STAU2: variants seen among roughly 807,000 people sequenced by gnomAD.
The protein encoded by STAU2 is double-stranded RNA-binding protein Staufen homolog 2.
Under a neutral mutation model 65.9 loss-of-function variants are expected in STAU2, and 20 were observed. The ratio of observed to expected loss-of-function variants is 0.30; its 90% CI spans 0.21 to 0.44. The LOEUF is 0.44. STAU2 is among the 20% of genes least tolerant of loss of function. The probability of loss-of-function intolerance (pLI) is 1.00; values close to 1 mark genes in which losing one functional copy is unlikely to be tolerated. For synonymous variants in STAU2, 232 were observed against 233.9 expected (o/e 0.99, Z 0.07); for missense variants, 558 against 683.9 (o/e 0.82, Z 2.05).
At chr8:73,725,523 A>G (rs1389982876) in intron 3 of STAU2, among the ~76,000 whole-genome samples, 1 of 152,328 alleles carries the variant, frequency 6.6e-6, no homozygotes, top group East Asian at 1.9e-4. Flanking sequence ...TGGGCCAGGC[A>G]TGGTGGCTCA....
intron 3 of STAU2, among the ~76,000 whole-genome samples, chr8:73,734,033 A>T (rs1485488661): frequency 6.6e-6 from 1 of 152,134 alleles, no homozygotes; most frequent in East Asian, 1.9e-4. Context: ...AGTACATCCA[A>T]ACTAAGAATT....
intron 12 of STAU2, chr8:73,561,640 C>T (rs925634408): frequency 9.3e-6 from 4 of 428,354 alleles, no homozygotes; most frequent in African/African-American, 2.0e-5. Flanking sequence ...AAATGTCTAC[C>T]GCAGCAGCTT....
At chr8:73,637,016 T>A (rs768697388) in intron 6 of STAU2, among the ~76,000 whole-genome samples, 3 of 152,002 alleles carry the variant, frequency 2.0e-5, no homozygotes, top group Non-Finnish European at 4.4e-5. Context: ...GATATTCAAA[T>A]TTAAAATTCA....
At chr8:73,465,446 G>T (rs1156646977) in intron 13 of STAU2, among the ~76,000 whole-genome samples, 2 of 152,134 alleles carry the variant, frequency 1.3e-5, no homozygotes, top group African/African-American at 2.4e-5. Context: ...GTTAGTAGAG[G>T]TATTAGAATG....
intron 13 of STAU2, among the ~76,000 whole-genome samples, chr8:73,545,036 A>G (rs547498926): frequency 6.6e-6 from 1 of 152,300 alleles, no homozygotes; most frequent in African/African-American, 2.4e-5. Flanking sequence ...CAAATGTTCC[A>G]TGTCCTGTGC....
intron 13 of STAU2, among the ~76,000 whole-genome samples, chr8:73,526,990 G>A (rs574102087): frequency 1.2e-4 from 19 of 152,284 alleles, no homozygotes; most frequent in East Asian, 1.2e-3. Flanking sequence ...GCATTATGAC[G>A]TTTTGGTCAA....
intron 4 of STAU2, among the ~76,000 whole-genome samples, chr8:73,700,320 G>C (rs573000433): frequency 1.3e-5 from 2 of 152,076 alleles, no homozygotes; most frequent in East Asian, 1.9e-4. Flanking sequence ...GTACTAGCTA[G>C]AGCAATCAGG....
intron 13 of STAU2, among the ~76,000 whole-genome samples, chr8:73,512,135 A>C (rs1248412114): frequency 2.0e-5 from 3 of 152,204 alleles, no homozygotes; most frequent in Admixed American, 2.0e-4. Context: ...AATGCCACTA[A>C]GTAGAGTACT....
At chr8:73,593,751 T>C (rs921437245) in intron 11 of STAU2, among the ~76,000 whole-genome samples, 1 of 152,118 alleles carries the variant, frequency 6.6e-6, no homozygotes, top group Non-Finnish European at 1.5e-5. Context: ...AGACTGTTTT[T>C]GGACTGAAAT....
chr8:73,474,607 G>A lies in STAU2; in HGVS notation c.1531-51905C>T, dbSNP rs1047364382. ...TTGTTCCATCACTCCTCAGGTAGAG[G>A]AGGTGTATTCTGTTCATCTTAATGG... On this transcript the variant is annotated intron_variant, in intron 13 of 14. Transcript: ENST00000524300. Among the ~76,000 whole-genome samples the A allele has an allele frequency of 1.3e-4, 20 of 152,192 alleles. No homozygotes were observed. The South Asian group carries it at 1.9e-3, about 14-fold the overall frequency.
chr8:73,499,983 TTTTA>T (rs961315778), intron 13 of STAU2, among the ~76,000 whole-genome samples: 4 of 151,846 alleles, frequency 2.6e-5, no homozygotes, highest in Non-Finnish European at 5.9e-5. Flanking sequence ...CATGCCTTTA[TTTTA>T]TTTATCTTAT....
chr8:73,535,923 A>G (rs1158966300), intron 13 of STAU2, among the ~76,000 whole-genome samples: 1 of 152,196 alleles, frequency 6.6e-6, no homozygotes, highest in Non-Finnish European at 1.5e-5. Context: ...CAAACACAGG[A>G]CCTTACAAAT....
chr8:73,474,904 G>A (rs1213999492), intron 13 of STAU2, among the ~76,000 whole-genome samples: 1 of 152,188 alleles, frequency 6.6e-6, no homozygotes, highest in African/African-American at 2.4e-5. Flanking sequence ...CATAAATTAT[G>A]AGACAGCCAC....
chr8:73,649,869 T>TTATATATATATATATA (rs55814743), intron 6 of STAU2, among the ~76,000 whole-genome samples: 1 of 71,624 alleles, frequency 1.4e-5, no homozygotes, highest in Non-Finnish European at 2.6e-5. Flanking sequence ...CTATATAATT[T>TTATATATATATATATA]TATATATATA....
chr8:73,627,119 C>T (rs1424483049), intron 6 of STAU2, among the ~76,000 whole-genome samples: 1 of 149,866 alleles, frequency 6.7e-6, no homozygotes, highest in East Asian at 2.0e-4. Flanking sequence ...ACTGTGTTCC[C>T]CTGGGTGCTG....
At chr8:73,452,943 A>G (rs915901760) in intron 13 of STAU2, among the ~76,000 whole-genome samples, 1 of 152,240 alleles carries the variant, frequency 6.6e-6, no homozygotes, top group Non-Finnish European at 1.5e-5. Flanking sequence ...TAGAAACAAT[A>G]AAATGTAACT....
At chr8:73,599,241 T>G (rs955336356) in intron 10 of STAU2, among the ~76,000 whole-genome samples, 1 of 152,320 alleles carries the variant, frequency 6.6e-6, no homozygotes, top group East Asian at 1.9e-4. Flanking sequence ...TCTAGACTTA[T>G]TATGAAGTTA....
chr8:73,445,597 C>T (rs1189550523), intron 13 of STAU2, among the ~76,000 whole-genome samples: 1 of 151,478 alleles, frequency 6.6e-6, no homozygotes, highest in Admixed American at 6.6e-5. Flanking sequence ...AGGAAATATT[C>T]GCAGACCACA....
intron 12 of STAU2, among the ~76,000 whole-genome samples, chr8:73,574,934 AAAAAT>A (rs760554738): frequency 4.3e-4 from 65 of 151,782 alleles, no homozygotes; most frequent in Admixed American, 1.8e-3. Flanking sequence ...AAAATAAAAT[AAAAAT>A]AAAGAAATGT....
Sources: allele counts gnomAD v4.1 joint callset (sites outside exome capture counted in the v4.1 genomes callset), GRCh38; gene constraint gnomAD v4.1.1; transcripts MANE v1.5; gene names NCBI Gene and HGNC (gene_info 2026-07-23, HGNC 2026-07-21).